The following HERC1 variants were observed in gnomAD, a reference collection of about 807,000 sequenced individuals.
HERC1 encodes the protein probable E3 ubiquitin-protein ligase HERC1.
Under a neutral mutation model 554.3 loss-of-function variants are expected in HERC1, and 160 were observed. The ratio of observed to expected loss-of-function variants is 0.29; its 90% confidence interval spans 0.25 to 0.33. The LOEUF (loss-of-function observed/expected upper bound fraction) is 0.33, where lower values mean the gene tolerates loss of function less well. Ranked by LOEUF, HERC1 falls within the 10% of genes least tolerant of loss-of-function variation. The probability of loss-of-function intolerance (pLI) is 1.00; values close to 1 mark genes in which losing one functional copy is unlikely to be tolerated. For missense variants in HERC1, 4,919 were observed against 5,918.5 expected (o/e 0.83, Z 5.54); for synonymous variants, 2,175 against 2,131.7 (o/e 1.02, Z -0.56).
intron 1 of HERC1, among the ~76,000 whole-genome samples, chr15:63,818,177 T>G (rs557710491): frequency 6.6e-6 from 1 of 152,244 alleles, no homozygotes; most frequent in South Asian, 2.1e-4. Flanking sequence ...ATTTTTAAAT[T>G]TTTTTTATTA....
At chr15:63,751,032 T>G (rs1330410235) in intron 8 of HERC1, among the ~76,000 whole-genome samples, 1 of 152,170 alleles carries the variant, frequency 6.6e-6, no homozygotes, top group Non-Finnish European at 1.5e-5. Flanking sequence ...TAAGGCATAT[T>G]TTAGGAGATG....
chr15:63,830,760 C>A (rs2078125059), intron 1 of HERC1, among the ~76,000 whole-genome samples: 1 of 152,154 alleles, frequency 6.6e-6, no homozygotes, highest in Non-Finnish European at 1.5e-5. Flanking sequence ...ATCCATCAAC[C>A]AATCATCTGA....
rs76114496 is a variant in HERC1, at chr15:63,669,656, T to C, written c.8088A>G (p.Thr2696=). The change falls in exon 40 of 78, where the codon ACA becomes ACG. Residue 2696 remains threonine (T), a synonymous_variant. Transcript: ENST00000443617. ...SSYPTTTVLP[T]RRAQTPPISS... is the part of the protein sequence containing the mutation. ...ATATTGGAGGAGTCTGTGCCCGACG[T>C]GTGGGAAGTACAGTGGTAGTTGGGT... 14,061 of 1,613,902 alleles carry C rather than the reference T, an allele frequency of 8.7e-3. 94 individuals carry two copies. The highest frequency in any genetic ancestry group is 0.011 in the Non-Finnish European group (13,056 of 1,179,776).
In HERC1 at chr15:63,630,720, T is replaced by G. The variant is rs181854192; in HGVS notation, c.12797-85A>C. ...TATATTTTCTGATCAGTCATTTAGC[T>G]TATTATGGTGGAATGGCAATGACAC... On this transcript the variant is annotated intron_variant, in intron 68 of 77. Transcript: ENST00000443617. 7 of 1,368,740 alleles carry G rather than the reference T, an allele frequency of 5.1e-6. No individual in the cohort carries two copies. The East Asian group carries it at 1.6e-4, about 32-fold the overall frequency. 84.8% of individuals were successfully genotyped at this position (1,368,740 alleles called of 1,614,324 possible).
chr15:63,625,410 T>C (rs1328554695), intron 71 of HERC1, among the ~76,000 whole-genome samples: 2 of 152,114 alleles, frequency 1.3e-5, no homozygotes, highest in South Asian at 2.1e-4. Flanking sequence ...TTTGTAGAAG[T>C]GGCTGGGAGC....
At chr15:63,729,453 C>T (rs2074184291) in intron 15 of HERC1, 44 bp downstream of exon 15, 1 of 1,598,388 alleles carries the variant, frequency 6.3e-7, no homozygotes, top group Non-Finnish European at 8.5e-7. Context: ...ATCTGAGTTT[C>T]AAGGTCCCTG....
intron 1 of HERC1, among the ~76,000 whole-genome samples, chr15:63,820,028 G>A (rs1235468156): frequency 6.6e-6 from 1 of 152,148 alleles, no homozygotes; most frequent in African/African-American, 2.4e-5. Context: ...ATGAAGTAAT[G>A]TATATGTAAA....
intron 55 of HERC1, among the ~76,000 whole-genome samples, chr15:63,646,763 G>A (rs544047080): frequency 4.0e-5 from 6 of 151,666 alleles, no homozygotes; most frequent in East Asian, 3.9e-4. Context: ...AGCTGAGATC[G>A]TGCCACTGTA....
In HERC1 at chr15:63,698,644, A is replaced by G. The variant is rs948267544; in HGVS notation, c.4905+84T>C. On this transcript the variant is annotated intron_variant, in intron 26 of 77. Coordinates refer to ENST00000443617, the MANE Select transcript of HERC1 (RefSeq NM_003922.4). ...GGAAGGCAAGGAATAGAAGAAAAGG[A>G]AAGGTTTTCCCTAGAACTATACATT... The G allele has an allele frequency of 4.3e-5, 58 of 1,357,952 alleles. 1 individual carries two copies. The South Asian group carries it at 8.2e-4, about 19-fold the overall frequency. The allele number at this position is 1,357,952 out of a possible 1,614,324, so 84.1% of individuals were successfully genotyped here.
rs780601728 is a variant in HERC1 at position 63,727,788 on chromosome 15, A to C, written c.3205T>G (p.Ser1069Ala). ...ACTGACACAGGGAGTAACAGCAGGGAGTTAACAATCTGGCAGAGCATACTG... is the reference window on the plus strand; with the variant it reads ...ACTGACACAGGGAGTAACAGCAGGGCGTTAACAATCTGGCAGAGCATACTG... ...AGSMLCQIVN[S>A]LLLLPVSVAR... is the part of the protein sequence containing the mutation. The change falls in exon 17 of 78, where the codon TCC becomes GCC. Residue 1069 changes from serine to alanine, a missense_variant. Physicochemically the swap from Ser to Ala is moderately conservative, Grantham distance 99. Coordinates refer to ENST00000443617, the MANE Select transcript of HERC1 (RefSeq NM_003922.4). This position sits in a 1 kb window ranked among gnomAD's most constrained non-coding sequence, Gnocchi z 4.3. 6.2e-7 allele frequency: 1 copy of C among 1,613,964 alleles called. No individual in the cohort carries two copies. The highest frequency in any genetic ancestry group is 1.1e-5 in the South Asian group (1 of 91,084).
At chr15:63,761,234 T>C (rs930036842) in intron 3 of HERC1, among the ~76,000 whole-genome samples, 4 of 152,114 alleles carry the variant, frequency 2.6e-5, no homozygotes, top group Non-Finnish European at 4.4e-5. Flanking sequence ...GAGACTAGTA[T>C]TGAGCATTAA....
chr15:63,637,430 A>G, intron 64 of HERC1, 75 bp downstream of exon 64: 1 of 1,266,176 alleles, frequency 7.9e-7, no homozygotes, highest in Non-Finnish European at 1.1e-6. Context: ...AGGTTTGAGA[A>G]GGGCAAAGGT....
chr15:63,679,106 T>C (rs776827483), intron 36 of HERC1, among the ~76,000 whole-genome samples: 70 of 152,348 alleles, frequency 4.6e-4, no homozygotes, highest in African/African-American at 1.6e-3. Flanking sequence ...AATTGATACA[T>C]AGTCTAAGTC....
At chr15:63,833,178 A>C (rs1276390110) in intron 1 of HERC1, among the ~76,000 whole-genome samples, 2 of 152,104 alleles carry the variant, frequency 1.3e-5, no homozygotes, top group Non-Finnish European at 2.9e-5. Flanking sequence ...CACGCTTAAG[A>C]CTAAACAATG....
chr15:63,827,288 G>A (rs747646678), intron 1 of HERC1, among the ~76,000 whole-genome samples: 16 of 152,038 alleles, frequency 1.1e-4, no homozygotes, highest in Non-Finnish European at 1.0e-4. Context: ...CAGGTATAGC[G>A]GTGCACACTT....
At chr15:63,662,081 C>G (rs1304569417) in intron 44 of HERC1, 60 bp from the exon 45 acceptor site, 8 of 1,477,792 alleles carry the variant, frequency 5.4e-6, no homozygotes, top group Non-Finnish European at 7.4e-6. Context: ...CAAGAAGTAC[C>G]AAGTAGATTA....
At chr15:63,764,254 T>A in intron 2 of HERC1, 63 bp from the exon 3 acceptor site, 1 of 1,101,016 alleles carries the variant, frequency 9.1e-7, no homozygotes, top group Non-Finnish European at 1.3e-6. Flanking sequence ...TTAAAATTAG[T>A]TAAACAGTCT....
In HERC1 at chr15:63,774,033, C is replaced by T. The variant is rs190647180; in HGVS notation, c.930+661G>A. 7.9e-5 allele frequency among the ~76,000 whole-genome samples: 12 copies of T among 152,230 alleles called. No individual in the cohort carries two copies. In the East Asian group the frequency reaches 1.7e-3, roughly 22 times the overall value. The stretch of plus-strand genomic sequence containing the variant: ...ACGCTCTTCACAGATCTTTCCTTAG[C>T]TCATCACTTCCCTTCATTCTGGTCT... On this transcript the variant is annotated intron_variant, in intron 2 of 77. Coordinates refer to ENST00000443617, the MANE Select transcript of HERC1 (RefSeq NM_003922.4).
At chr15:63,828,417 G>A (rs562710652) in intron 1 of HERC1, among the ~76,000 whole-genome samples, 3 of 151,798 alleles carry the variant, frequency 2.0e-5, no homozygotes, top group Admixed American at 6.6e-5. Context: ...TTGGCATACC[G>A]CAACCTCCGC....
Sources: gnomAD v4.1 joint callset for allele counts (sites outside exome capture counted in the v4.1 genomes callset) on GRCh38, gnomAD v4.1.1 for gene constraint, Gnocchi (gnomAD v3.1) non-coding constraint, MANE v1.5 for transcripts, NCBI Gene and HGNC (gene_info 2026-07-23, HGNC 2026-07-21) for gene names.